Variants in USP34 observed in about 807,000 individuals in gnomAD.
USP34 encodes ubiquitin carboxyl-terminal hydrolase 34.
Under a neutral mutation model 460.3 loss-of-function variants are expected in USP34, and 70 were observed. The observed-to-expected ratio is 0.15, with a 90% CI of 0.13 to 0.19. The LOEUF (loss-of-function observed/expected upper bound fraction) is 0.19. Among genes scored for constraint, USP34 ranks in the 10% least tolerant of loss-of-function variants. The pLI is 1.00. For missense variants in USP34, 3,985 were observed against 4,236.2 expected (o/e 0.94, Z 1.65); for synonymous variants, 1,647 against 1,405.3 (o/e 1.17, Z -3.85).
intron 3 of USP34, among the ~76,000 whole-genome samples, chr2:61,400,604 C>T (rs1404623639): frequency 6.6e-6 from 1 of 152,104 alleles, no homozygotes; most frequent in Non-Finnish European, 1.5e-5. Flanking sequence ...AATCCCAGTA[C>T]TTTGGGAGGC....
chr2:61,264,322 AAAGAAATC>A (rs1216361304), intron 43 of USP34, among the ~76,000 whole-genome samples: 1 of 152,222 alleles, frequency 6.6e-6, no homozygotes, highest in African/African-American at 2.4e-5. Flanking sequence ...TAACAGGGAA[AAAGAAATC>A]AAGACAAAAG....
At chr2:61,419,478 C>G (rs1409510211) in intron 2 of USP34, among the ~76,000 whole-genome samples, 1 of 152,092 alleles carries the variant, frequency 6.6e-6, no homozygotes, top group Non-Finnish European at 1.5e-5. Flanking sequence ...CATCCACAGA[C>G]TCTTGGTTAA....
rs763133166 is a variant in USP34 at position 61,266,150 on chromosome 2, G to C, written c.5451C>G (p.Ile1817Met). The C allele has an allele frequency of 6.8e-6, 11 of 1,609,566 alleles. No individual in the cohort carries two copies. The highest frequency in any genetic ancestry group is 9.3e-6 in the Non-Finnish European group (11 of 1,176,628). ...TTGGCAACAAAAACAGGAGATTGAAGATATCTCTCAAAAATTCCTGGGGAG... is the reference window on the plus strand; with the variant it reads ...TTGGCAACAAAAACAGGAGATTGAACATATCTCTCAAAAATTCCTGGGGAG... ...SREGQEFLRD[I>M]FNLLFLLPSL... Residue 1817 changes from isoleucine to methionine, a missense_variant, in exon 42 of 80, where the codon ATC (isoleucine) becomes ATG (methionine). Ile to Met is a conservative substitution (Grantham distance 10, BLOSUM62 1). Coordinates refer to ENST00000398571, the MANE Select transcript of USP34 (RefSeq NM_014709.4).
chr2:61,467,208 CAGG>C (rs2104121664), intron 1 of USP34, among the ~76,000 whole-genome samples: 1 of 152,068 alleles, frequency 6.6e-6, no homozygotes, highest in South Asian at 2.1e-4. Flanking sequence ...GAGGCTGAGG[CAGG>C]AGAATTGCTG....
At chr2:61,423,369 C>T (rs1470073099) in intron 1 of USP34, among the ~76,000 whole-genome samples, 2 of 152,002 alleles carry the variant, frequency 1.3e-5, no homozygotes, top group African/African-American at 4.8e-5. Context: ...GCCTCAGCCT[C>T]CCAAAGTGCT....
intron 58 of USP34, 47 bp from the exon 59 acceptor site, chr2:61,229,680 CAA>C (rs1371909038): frequency 6.7e-7 from 1 of 1,501,402 alleles, no homozygotes. Context: ...CATCAGGTAA[CAA>C]AGATTTGAAA....
chr2:61,360,417 G>A (rs955570408), intron 10 of USP34, among the ~76,000 whole-genome samples: 1 of 152,124 alleles, frequency 6.6e-6, no homozygotes, highest in Middle Eastern at 3.4e-3. Context: ...ATCTGAAAAC[G>A]CAATTAAGAA....
chr2:61,450,886 CAAA>C (rs71405120), intron 1 of USP34, among the ~76,000 whole-genome samples: 6 of 127,344 alleles, frequency 4.7e-5, no homozygotes, highest in Non-Finnish European at 5.0e-5. Context: ...GGAGGAGATG[CAAA>C]AAAAAAAAAA....
At chr2:61,385,671 C>CAAAAA (rs61200102) in intron 5 of USP34, among the ~76,000 whole-genome samples, 63 of 45,978 alleles carry the variant, frequency 1.4e-3, no homozygotes, top group African/African-American at 1.8e-3. Context: ...GACTCTGTCT[C>CAAAAA]AAAAAAAAAA....
At chr2:61,336,469 T>C (rs1691419907) in intron 18 of USP34, among the ~76,000 whole-genome samples, 1 of 151,432 alleles carries the variant, frequency 6.6e-6, no homozygotes, top group South Asian at 2.1e-4. Context: ...AAGAAGTATG[T>C]ACTCATTTTA....
chr2:61,383,246 G>T, intron 6 of USP34, 23 bp downstream of exon 6: 2 of 1,548,098 alleles, frequency 1.3e-6, no homozygotes, highest in Non-Finnish European at 8.8e-7. Flanking sequence ...ATAATCGGGG[G>T]TAAAGAAATT....
chr2:61,294,176 T>A (rs560707044), intron 32 of USP34, among the ~76,000 whole-genome samples: 37 of 152,020 alleles, frequency 2.4e-4, no homozygotes, highest in African/African-American at 8.7e-4. Context: ...AAACCCCGTC[T>A]CTATTAAAAA....
At chr2:61,332,155 T>C (rs1343305665) in intron 19 of USP34, among the ~76,000 whole-genome samples, 1 of 152,068 alleles carries the variant, frequency 6.6e-6, no homozygotes, top group Non-Finnish European at 1.5e-5. Flanking sequence ...AAGTAAGCTG[T>C]CTTGTGGAAG....
intron 67 of USP34, among the ~76,000 whole-genome samples, chr2:61,219,984 T>C (rs1324712228): frequency 6.6e-6 from 1 of 151,888 alleles, no homozygotes; most frequent in Non-Finnish European, 1.5e-5. Context: ...TATGTCTTTA[T>C]TACCATTTTA....
At chr2:61,429,177 G>A (rs1694593326) in intron 1 of USP34, among the ~76,000 whole-genome samples, 2 of 152,276 alleles carry the variant, frequency 1.3e-5, no homozygotes, top group Admixed American at 1.3e-4. Flanking sequence ...GCCAGGCACA[G>A]TGGCTCACGC....
Position 61,370,542 on chromosome 2 carries a change from T to C in USP34, c.1114A>G (p.Asn372Asp). Residue 372 changes from asparagine to aspartate, a missense_variant, in exon 9 of 80, where the codon AAC (asparagine) becomes GAC (aspartate). Asn to Asp is a conservative substitution (Grantham distance 23). Transcript: ENST00000398571. ...CCAAATATATGCTCCACCACATTGT[T>C]GCTAATAAGCCAGTCTGCAAGTTCT... ...AKELADWLIS[N>D]NVVEHIFGPN... is the part of the protein sequence containing the mutation. The C allele has an allele frequency of 6.2e-7, 1 of 1,613,962 alleles. No homozygotes were observed. The highest frequency in any genetic ancestry group is 1.1e-5 in the South Asian group (1 of 91,044).
At chr2:61,208,845 GTGAGAACATTAAAA>G in intron 70 of USP34, 40 bp downstream of exon 70, 1 of 1,342,014 alleles carries the variant, frequency 7.5e-7, no homozygotes, top group Non-Finnish European at 1.0e-6. Context: ...GTAAGTCTTG[GTGAGAACATTAAAA>G]TGAGATAATA....
intron 5 of USP34, among the ~76,000 whole-genome samples, chr2:61,390,117 A>G (rs1221614180): frequency 6.6e-6 from 1 of 152,230 alleles, no homozygotes; most frequent in Non-Finnish European, 1.5e-5. Flanking sequence ...TACGTTACTT[A>G]AGCCCTACAA....
In USP34 at chr2:61,214,320, C is replaced by T; in HGVS notation, c.8422G>A (p.Val2808Ile). The T allele has an allele frequency of 1.2e-6, 2 of 1,614,238 alleles. No individual in the cohort carries two copies. The highest frequency in any genetic ancestry group is 1.7e-6 in the Non-Finnish European group (2 of 1,180,044). Residue 2808 changes from valine (V) to isoleucine (I), a missense_variant, in exon 68 of 80, where the codon GTC (valine) becomes ATC (isoleucine). Transcript: ENST00000398571. ...KQALLSFWYN[V>I]CADCPENIRL... ...ATATTCTCTGGACAGTCAGCACAGA[C>T]ATTGTACCAAAATGAAAGCAAAGCC...
Sources: allele counts gnomAD v4.1 joint callset (sites outside exome capture counted in the v4.1 genomes callset), GRCh38; gene constraint gnomAD v4.1.1; transcripts MANE v1.5; gene names NCBI Gene and HGNC (gene_info 2026-07-23, HGNC 2026-07-21).